The following IL1RAPL2 variants were observed in gnomAD, a reference collection of about 807,000 sequenced individuals.
IL1RAPL2 encodes interleukin 1 receptor accessory protein like 2.
IL1RAPL2 carries 3 observed loss-of-function variants against 44.1 expected under a neutral mutation model. That is an observed-to-expected ratio of 0.07 (90% CI 0.03 to 0.18). IL1RAPL2 has a LOEUF of 0.18. Ranked by LOEUF, IL1RAPL2 falls within the 10% of genes least tolerant of loss-of-function variation. The probability of loss-of-function intolerance (pLI) is 1.00; values close to 1 mark genes in which losing one functional copy is unlikely to be tolerated. For synonymous variants in IL1RAPL2, 181 were observed against 178.8 expected (o/e 1.01, Z -0.10); for missense variants, 391 against 496.4 (o/e 0.79, Z 2.02).
At chrX:105,124,573 C>A (rs2032956742) in intron 2 of IL1RAPL2, among the ~76,000 whole-genome samples, 1 of 110,219 alleles carries the variant, frequency 9.1e-6, no homozygotes, top group Non-Finnish European at 1.9e-5. Context: ...GGTCTGCCAG[C>A]TTTTCTAGTC....
intron 2 of IL1RAPL2, among the ~76,000 whole-genome samples, chrX:105,130,989 A>G (rs2033020821): frequency 9.0e-6 from 1 of 111,638 alleles, no homozygotes; most frequent in African/African-American, 3.2e-5. Flanking sequence ...GACCGGAGAA[A>G]CAATTTCATT....
At chrX:104,865,805 C>G (rs777622142) in intron 2 of IL1RAPL2, among the ~76,000 whole-genome samples, 1 of 112,942 alleles carries the variant, frequency 8.9e-6, no homozygotes, top group Non-Finnish European at 1.9e-5. Flanking sequence ...CTCAGGCCTT[C>G]GGCCACAGAC....
At chrX:105,718,204 T>C (rs907963163) in intron 7 of IL1RAPL2, among the ~76,000 whole-genome samples, 2 of 112,058 alleles carry the variant, frequency 1.8e-5, no homozygotes, top group East Asian at 2.8e-4. Context: ...CTGATTCTGA[T>C]AGGAATTGGG....
chrX:105,262,178 CT>C (rs2034365014), intron 4 of IL1RAPL2, among the ~76,000 whole-genome samples: 1 of 111,762 alleles, frequency 8.9e-6, no homozygotes, highest in South Asian at 3.7e-4. Flanking sequence ...CCTCAGTTAT[CT>C]GATGGATCTG....
chrX:104,725,336 A>G (rs1931766921), intron 2 of IL1RAPL2, among the ~76,000 whole-genome samples: 1 of 111,994 alleles, frequency 8.9e-6, no homozygotes, highest in Admixed American at 9.5e-5. Flanking sequence ...TAGTGCCACA[A>G]TAACCATACG....
At chrX:105,079,915 T>C (rs906079738) in intron 2 of IL1RAPL2, among the ~76,000 whole-genome samples, 20 of 111,985 alleles carry the variant, frequency 1.8e-4, no homozygotes, top group Non-Finnish European at 3.6e-4. Flanking sequence ...AGATGGTATC[T>C]CATTGTGGTT....
chrX:104,592,145 ATGTGTGTGTGTGTGTGTGTG>A (rs35940205), intron 1 of IL1RAPL2, among the ~76,000 whole-genome samples: 4 of 60,215 alleles, frequency 6.6e-5, no homozygotes, highest in South Asian at 2.5e-3. Flanking sequence ...ATGCCCGTAT[ATGTGTGTGTGTGTGTGTGTG>A]TGTGTGTGTG....
intron 2 of IL1RAPL2, among the ~76,000 whole-genome samples, chrX:105,178,181 C>T (rs2033494058): frequency 9.0e-6 from 1 of 111,475 alleles, no homozygotes; most frequent in Non-Finnish European, 1.9e-5. Flanking sequence ...TTGCTACCTC[C>T]ATCGAGACCA....
At chrX:105,429,215 T>G (rs996050715) in intron 5 of IL1RAPL2, among the ~76,000 whole-genome samples, 1 of 111,622 alleles carries the variant, frequency 9.0e-6, no homozygotes, top group Non-Finnish European at 1.9e-5. Context: ...ATTGTGAAAA[T>G]TAGCTTCAAG....
chrX:104,615,531 A>G lies in IL1RAPL2; in HGVS notation c.-19-43364A>G, dbSNP rs748031017. The stretch of plus-strand genomic sequence containing the variant: ...GCTGACAGTAATGGCTTCCAGCTCC[A>G]TCCATGTCCCTGCAGAGGACATGAT... On this transcript the variant is annotated intron_variant, in intron 1 of 10. Coordinates refer to ENST00000372582, the MANE Select transcript of IL1RAPL2 (RefSeq NM_017416.2). Among the ~76,000 whole-genome samples, 40 of 110,984 alleles carry G rather than the reference A, an allele frequency of 3.6e-4. 1 individual carries two copies. Among genetic ancestry groups the G allele is most frequent in the Non-Finnish European group, 5.7e-4 (30 of 53,045 alleles).
Position 105,383,283 on chromosome X carries a change from G to A in IL1RAPL2, c.698-101030G>A, listed in dbSNP as rs753616233. 6.7e-4 allele frequency among the ~76,000 whole-genome samples: 74 copies of A among 110,165 alleles called. 1 individual carries two copies. Among genetic ancestry groups the A allele is most frequent in the African/African-American group, 2.3e-3 (69 of 30,305 alleles). On this transcript the variant is annotated intron_variant, in intron 5 of 10. Transcript: ENST00000372582. The stretch of plus-strand genomic sequence containing the variant: ...CTCCCACTACCCTTCTGAGCCTCTG[G>A]TAACCATCATTCTATTCTCTATCTA...
At chrX:104,909,487 G>T (rs1045640664) in intron 2 of IL1RAPL2, among the ~76,000 whole-genome samples, 4 of 111,478 alleles carry the variant, frequency 3.6e-5, no homozygotes, top group Non-Finnish European at 7.5e-5. Context: ...ATCTACTTTT[G>T]GTCTTCTATG....
intron 6 of IL1RAPL2, among the ~76,000 whole-genome samples, chrX:105,639,208 A>G (rs2037546416): frequency 8.9e-6 from 1 of 111,850 alleles, no homozygotes; most frequent in South Asian, 3.7e-4. Context: ...GTCACTCTGC[A>G]TATCTCCATG....
intron 2 of IL1RAPL2, among the ~76,000 whole-genome samples, chrX:104,821,384 GTCCC>G (rs1242383962): frequency 9.1e-6 from 1 of 109,408 alleles, no homozygotes; most frequent in African/African-American, 3.3e-5. Flanking sequence ...TCCTAATGCT[GTCCC>G]TCCCCTTGCC....
At position 104,706,226 on chromosome X, in the gene IL1RAPL2, G is replaced by GAGGGTAA. The variant is rs1314471432; in HGVS notation, c.82+47233_82+47239dup. 2.7e-5 allele frequency among the ~76,000 whole-genome samples: 3 copies of GAGGGTAA among 111,308 alleles called. No individual in the cohort carries two copies. In the Admixed American group the frequency reaches 2.9e-4, roughly 11 times the overall value. Reference sequence around the variant, plus strand: ...CCCATTTGTCTTATCTGTAAAAATAGAGGGTAAAATGTTCCTACAAGTGTT... The same window carrying GAGGGTAA: ...CCCATTTGTCTTATCTGTAAAAATAGAGGGTAAAGGGTAAAATGTTCCTACAAGTGTT... On this transcript the variant is annotated intron_variant, in intron 2 of 10. Coordinates refer to ENST00000372582, the MANE Select transcript of IL1RAPL2 (RefSeq NM_017416.2).
At chrX:104,635,901 T>C (rs1271924710) in intron 1 of IL1RAPL2, among the ~76,000 whole-genome samples, 3 of 112,314 alleles carry the variant, frequency 2.7e-5, no homozygotes, top group Non-Finnish European at 5.6e-5. Context: ...TGCATTCCTT[T>C]GGAGGAGGAG....
At chrX:105,740,290 A>G (rs1018350243) in intron 7 of IL1RAPL2, among the ~76,000 whole-genome samples, 1 of 112,108 alleles carries the variant, frequency 8.9e-6, no homozygotes, top group African/African-American at 3.2e-5. Flanking sequence ...AAAAGAGAGA[A>G]GAATCAAATA....
chrX:104,578,245 G>C (rs1359156616), intron 1 of IL1RAPL2, among the ~76,000 whole-genome samples: 1 of 112,019 alleles, frequency 8.9e-6, no homozygotes, highest in African/African-American at 3.2e-5. Context: ...CACATCTTGT[G>C]CTGCCAGAAA....
At chrX:105,058,406 T>A (rs747143192) in intron 2 of IL1RAPL2, among the ~76,000 whole-genome samples, 1 of 111,882 alleles carries the variant, frequency 8.9e-6, no homozygotes, top group African/African-American at 3.3e-5. Context: ...TTTTAGGTGG[T>A]AGAGTAATAA....
Sources: gnomAD v4.1 joint callset for allele counts (sites outside exome capture counted in the v4.1 genomes callset) on GRCh38, gnomAD v4.1.1 for gene constraint, MANE v1.5 for transcripts, NCBI Gene and HGNC (gene_info 2026-07-23, HGNC 2026-07-21) for gene names.